SLC24A2: variants seen among roughly 807,000 people sequenced by gnomAD.
SLC24A2 encodes the protein sodium/potassium/calcium exchanger 2.
SLC24A2 carries 36 observed loss-of-function variants against 62.0 expected under a neutral mutation model. The ratio of observed to expected loss-of-function variants is 0.58; its 90% CI spans 0.44 to 0.77. The LOEUF is 0.77. SLC24A2 is among the 30% of genes least tolerant of loss of function. The pLI, the probability that SLC24A2 is intolerant of heterozygous loss-of-function variation, is 0.00. For synonymous variants in SLC24A2, 358 were observed against 294.0 expected, an observed-to-expected ratio of 1.22 and a Z score of -2.23; for missense variants, 846 against 817.9, an observed-to-expected ratio of 1.03 and a Z score of -0.42.
At chr9:19,653,082 C>T (rs1277721312) in intron 2 of SLC24A2, among the ~76,000 whole-genome samples, 3 of 152,188 alleles carry the variant, frequency 2.0e-5, no homozygotes, top group Admixed American at 6.5e-5. Context: ...TGGCTCACCT[C>T]GGGCTGCCTC....
the SLC24A2 span, among the ~76,000 whole-genome samples, chr9:19,945,902 C>A: frequency 2.0e-5 from 3 of 152,196 alleles, no homozygotes; most frequent in Non-Finnish European, 4.4e-5. Flanking sequence ...AGTTCCTATT[C>A]CACATCAGCT....
chr9:19,619,487 G>C, intron 4 of SLC24A2, 97 bp downstream of exon 4: 1 of 940,888 alleles, frequency 1.1e-6, no homozygotes, highest in South Asian at 1.3e-5. Context: ...AGGCTGGCAG[G>C]CGTGCATGAC....
intron 8 of SLC24A2, among the ~76,000 whole-genome samples, chr9:19,542,505 C>G (rs986347713): frequency 6.6e-6 from 1 of 152,146 alleles, no homozygotes; most frequent in Non-Finnish European, 1.5e-5. Flanking sequence ...AGAGGGCATC[C>G]TTGTCTTGTG....
the SLC24A2 span, among the ~76,000 whole-genome samples, chr9:20,023,588 G>C: frequency 6.6e-6 from 1 of 152,110 alleles, no homozygotes; most frequent in Non-Finnish European, 1.5e-5. Flanking sequence ...CCAATCCCAA[G>C]ATATGTCAAA....
At chr9:19,886,396 A>G in the SLC24A2 span, among the ~76,000 whole-genome samples, 2 of 151,894 alleles carry the variant, frequency 1.3e-5, no homozygotes, top group African/African-American at 4.8e-5. Context: ...TTCTTTTGAA[A>G]AGTGTCTGTT....
At chr9:20,148,704 A>G in the SLC24A2 span, among the ~76,000 whole-genome samples, 2 of 152,066 alleles carry the variant, frequency 1.3e-5, no homozygotes, top group Non-Finnish European at 2.9e-5. Context: ...TAACTGGTGT[A>G]TTATTATTTC....
chr9:19,741,973 T>C (rs1230530883), intron 2 of SLC24A2, among the ~76,000 whole-genome samples: 1 of 152,216 alleles, frequency 6.6e-6, no homozygotes. Flanking sequence ...GTTAGTATAG[T>C]ATGCAATGGG....
chr9:19,793,583 T>C (rs1823344795), upstream of SLC24A2, among the ~76,000 whole-genome samples: 1 of 152,230 alleles, frequency 6.6e-6, no homozygotes, highest in Non-Finnish European at 1.5e-5. Flanking sequence ...TACCATGAAC[T>C]AGAGTGTTTG....
the SLC24A2 span, among the ~76,000 whole-genome samples, chr9:20,307,398 C>T: frequency 1.3e-5 from 2 of 152,312 alleles, no homozygotes; most frequent in African/African-American, 2.4e-5. Flanking sequence ...CCTAATGCTG[C>T]GACTTTGTCC....
the SLC24A2 span, among the ~76,000 whole-genome samples, chr9:19,975,059 C>T: frequency 6.6e-6 from 1 of 152,148 alleles, no homozygotes; most frequent in Non-Finnish European, 1.5e-5. Context: ...AACTGGGTCA[C>T]ATGGTCATCC....
chr9:20,276,116 GT>G, the SLC24A2 span, among the ~76,000 whole-genome samples: 1 of 152,090 alleles, frequency 6.6e-6, no homozygotes, highest in Non-Finnish European at 1.5e-5. Flanking sequence ...CTTCCCAACA[GT>G]CCCCCAAAGT....
intron 2 of SLC24A2, among the ~76,000 whole-genome samples, chr9:19,748,947 C>G (rs561469680): frequency 2.8e-4 from 43 of 151,500 alleles, no homozygotes; most frequent in Non-Finnish European, 4.9e-4. Flanking sequence ...GGTTGCTGTA[C>G]CAGATTGTGT....
At chr9:19,927,907 T>C in the SLC24A2 span, 1 of 152,354 alleles carries the variant, frequency 6.6e-6, no homozygotes, top group Admixed American at 6.5e-5. Context: ...TGCCTGGCAC[T>C]CCTGGAGCTC....
At chr9:19,689,910 T>C (rs929037236) in intron 2 of SLC24A2, among the ~76,000 whole-genome samples, 7 of 152,102 alleles carry the variant, frequency 4.6e-5, no homozygotes, top group Non-Finnish European at 1.0e-4. Flanking sequence ...CAGATAGCCC[T>C]CTCCAATGTG....
the SLC24A2 span, among the ~76,000 whole-genome samples, chr9:20,156,592 G>A: frequency 2.0e-5 from 3 of 151,708 alleles, no homozygotes; most frequent in Non-Finnish European, 3.0e-5. Context: ...AGGCACATAT[G>A]TTGCTAAACT....
intron 3 of SLC24A2, among the ~76,000 whole-genome samples, chr9:19,620,915 C>T (rs1464917560): frequency 6.6e-6 from 1 of 152,170 alleles, no homozygotes; most frequent in South Asian, 2.1e-4. Context: ...TTCCATCATA[C>T]TCCAGACCCA....
chr9:20,100,768 TA>T, the SLC24A2 span, among the ~76,000 whole-genome samples: 39 of 152,382 alleles, frequency 2.6e-4, no homozygotes, highest in Middle Eastern at 3.4e-3. Flanking sequence ...AGTATTTATT[TA>T]AATTCCTTCT....
chr9:20,181,843 T>C, the SLC24A2 span, among the ~76,000 whole-genome samples: 1 of 152,158 alleles, frequency 6.6e-6, no homozygotes, highest in East Asian at 1.9e-4. Flanking sequence ...GCAGAATGAA[T>C]AGGCAACCTA....
chr9:20,169,478 G>C, the SLC24A2 span, among the ~76,000 whole-genome samples: 8 of 152,110 alleles, frequency 5.3e-5, no homozygotes, highest in Non-Finnish European at 8.8e-5. Context: ...GTGGAATCCA[G>C]GGATCTGCAG....
Sources: allele counts gnomAD v4.1 joint callset (sites outside exome capture counted in the v4.1 genomes callset), GRCh38; gene constraint gnomAD v4.1.1; transcripts MANE v1.5; gene names NCBI Gene and HGNC (gene_info 2026-07-23, HGNC 2026-07-21).